Variants in CADPS2 observed in about 807,000 individuals in gnomAD.
CADPS2 encodes the protein calcium dependent secretion activator 2, also known as calcium-dependent secretion activator 2.
In CADPS2, 93 loss-of-function variants were observed where a neutral mutation model predicts 172.5. The observed-to-expected ratio is 0.54, with a 90% confidence interval of 0.46 to 0.64. The LOEUF (loss-of-function observed/expected upper bound fraction) is 0.64. Among genes scored for constraint, CADPS2 ranks in the 30% least tolerant of loss-of-function variants. The pLI is 0.00. For synonymous variants in CADPS2, 546 were observed against 555.2 expected (o/e 0.98, Z 0.23); for missense variants, 1,420 against 1,565.9 (o/e 0.91, Z 1.57).
intron 17 of CADPS2, among the ~76,000 whole-genome samples, chr7:122,430,367 A>G (rs60821982): frequency 0.06 from 9,144 of 152,270 alleles, 678 homozygotes; most frequent in African/African-American, 0.18. Context: ...AAACAGTAGG[A>G]ACTGTTATCA....
intron 6 of CADPS2, among the ~76,000 whole-genome samples, chr7:122,613,272 TA>T (rs1563855878): frequency 1.3e-5 from 2 of 152,094 alleles, no homozygotes; most frequent in African/African-American, 4.8e-5. Flanking sequence ...GCAAATCACA[TA>T]TATGATGTGG....
chr7:122,726,838 T>C (rs1270964474), intron 2 of CADPS2, among the ~76,000 whole-genome samples: 2 of 147,326 alleles, frequency 1.4e-5, no homozygotes, highest in African/African-American at 5.0e-5. Context: ...GATAACTAAC[T>C]ATAGGTGTTC....
intron 28 of CADPS2, among the ~76,000 whole-genome samples, chr7:122,326,075 CAAAAA>C (rs35635790): frequency 7.2e-6 from 1 of 138,896 alleles, no homozygotes; most frequent in Non-Finnish European, 1.5e-5. Flanking sequence ...GTAGCGATGG[CAAAAA>C]AAAAAAAAAA....
Position 122,643,675 on chromosome 7 carries a change from G to A in CADPS2, c.787-14347C>T, listed in dbSNP as rs1213660120. Reference sequence around the variant, plus strand: ...CTTGATTAGGTGAAAATTTCTGAGGGGGCAGAGGGAAGAGAAAGGAGGGAG... The same window carrying A: ...CTTGATTAGGTGAAAATTTCTGAGGAGGCAGAGGGAAGAGAAAGGAGGGAG... On this transcript the variant is annotated intron_variant, in intron 3 of 29. Transcript: ENST00000449022. 3.3e-5 allele frequency among the ~76,000 whole-genome samples: 5 copies of A among 151,960 alleles called. No individual in the cohort carries two copies. The East Asian group carries it at 9.7e-4, about 29-fold the overall frequency.
intron 8 of CADPS2, among the ~76,000 whole-genome samples, chr7:122,517,438 G>C (rs10242371): frequency 5.3e-5 from 8 of 151,730 alleles, no homozygotes; most frequent in Admixed American, 2.0e-4. Flanking sequence ...TTGTAGGGTC[G>C]TATTGAAAGT....
chr7:122,474,043 T>C lies in CADPS2; in HGVS notation c.1998+338A>G, dbSNP rs2056315709. On this transcript the variant is annotated intron_variant, in intron 13 of 29. Transcript: ENST00000449022. ...TCAACCTTAAAATGTCTGTACGTCCTATAACAGAGGTTTTAAAAAATCTTT... is the reference window on the plus strand; with the variant it reads ...TCAACCTTAAAATGTCTGTACGTCCCATAACAGAGGTTTTAAAAAATCTTT... Among the ~76,000 whole-genome samples the C allele has an allele frequency of 2.0e-5, 3 of 148,022 alleles. No individual in the cohort carries two copies. The South Asian group carries it at 6.6e-4, about 32-fold the overall frequency.
chr7:122,657,634 G>A (rs1383834287), intron 3 of CADPS2, among the ~76,000 whole-genome samples: 1 of 152,136 alleles, frequency 6.6e-6, no homozygotes, highest in Non-Finnish European at 1.5e-5. Flanking sequence ...GTATAAGAAT[G>A]CTTGTGATTT....
At chr7:122,765,848 G>A (rs1307662851) in intron 1 of CADPS2, among the ~76,000 whole-genome samples, 1 of 152,102 alleles carries the variant, frequency 6.6e-6, no homozygotes, top group Admixed American at 6.6e-5. Context: ...AGAGCTGGCT[G>A]GTTGTGGAGC....
chr7:122,865,782 T>C (rs1818152366), intron 1 of CADPS2, among the ~76,000 whole-genome samples: 3 of 152,322 alleles, frequency 2.0e-5, no homozygotes, highest in African/African-American at 4.8e-5. Flanking sequence ...TTTATCCAAC[T>C]AAAAATTCTG....
At chr7:122,758,781 A>T (rs2093267343) in intron 1 of CADPS2, among the ~76,000 whole-genome samples, 1 of 152,128 alleles carries the variant, frequency 6.6e-6, no homozygotes, top group Non-Finnish European at 1.5e-5. Flanking sequence ...TTTTTCTACC[A>T]TGAAAGCCTT....
chr7:122,597,884 G>T (rs2072104511), intron 6 of CADPS2, among the ~76,000 whole-genome samples: 1 of 151,474 alleles, frequency 6.6e-6, no homozygotes, highest in African/African-American at 2.4e-5. Context: ...CAGAACTTTT[G>T]GCAAAGGCAG....
intron 20 of CADPS2, among the ~76,000 whole-genome samples, chr7:122,401,025 A>C (rs2045883507): frequency 6.6e-6 from 1 of 152,146 alleles, no homozygotes; most frequent in Admixed American, 6.5e-5. Flanking sequence ...ATGAGAGGTG[A>C]CTTTGCCAGT....
intron 28 of CADPS2, among the ~76,000 whole-genome samples, chr7:122,344,770 AATT>A (rs1466238691): frequency 6.6e-6 from 1 of 152,118 alleles, no homozygotes; most frequent in East Asian, 1.9e-4. Flanking sequence ...ACCATGGTAA[AATT>A]ATTATTATCT....
chr7:122,385,447 C>G (rs1268828846), intron 24 of CADPS2, among the ~76,000 whole-genome samples: 1 of 151,940 alleles, frequency 6.6e-6, no homozygotes, highest in East Asian at 1.9e-4. Context: ...GTTAACTAAG[C>G]CCCTCTGCTT....
chr7:122,674,351 C>T (rs948699723), intron 2 of CADPS2, among the ~76,000 whole-genome samples: 16 of 152,306 alleles, frequency 1.1e-4, no homozygotes, highest in Admixed American at 7.2e-4. Flanking sequence ...GCACCAAGAG[C>T]GAGCAAGGGC....
intron 8 of CADPS2, among the ~76,000 whole-genome samples, chr7:122,541,676 T>C (rs1329997845): frequency 2.1e-5 from 3 of 146,240 alleles, no homozygotes; most frequent in East Asian, 3.9e-4. Flanking sequence ...CATATATGTT[T>C]ATATATTTAT....
At chr7:122,584,195 G>A (rs970118905) in intron 6 of CADPS2, among the ~76,000 whole-genome samples, 5 of 151,774 alleles carry the variant, frequency 3.3e-5, no homozygotes, top group Non-Finnish European at 7.4e-5. Flanking sequence ...ATAATTATCT[G>A]TTCCTATAAC....
intron 9 of CADPS2, among the ~76,000 whole-genome samples, chr7:122,500,987 G>T (rs929361775): frequency 1.6e-4 from 24 of 152,162 alleles, no homozygotes; most frequent in Non-Finnish European, 1.3e-4. Context: ...AGGCACAGTG[G>T]CTTGTACCTG....
At chr7:122,359,312 G>A (rs976638966) in intron 27 of CADPS2, among the ~76,000 whole-genome samples, 4 of 152,056 alleles carry the variant, frequency 2.6e-5, no homozygotes, top group African/African-American at 9.7e-5. Context: ...ATACTTAACA[G>A]TAGGCTGCCA....
Sources: gnomAD v4.1 joint callset for allele counts (sites outside exome capture counted in the v4.1 genomes callset) on GRCh38, gnomAD v4.1.1 for gene constraint, MANE v1.5 for transcripts, NCBI Gene and HGNC (gene_info 2026-07-23, HGNC 2026-07-21) for gene names.